MTREX: variants seen among roughly 807,000 people sequenced by gnomAD.
MTREX encodes exosome RNA helicase MTR4.
MTREX carries 76 observed loss-of-function variants against 135.4 expected under a neutral mutation model. The observed-to-expected ratio is 0.56, with a 90% CI of 0.47 to 0.68. The LOEUF (loss-of-function observed/expected upper bound fraction) is 0.68, where lower values mean the gene tolerates loss of function less well. Among genes scored for constraint, MTREX ranks in the 30% least tolerant of loss-of-function variants. The pLI is 0.00. For synonymous variants in MTREX, 404 were observed against 401.6 expected, an observed-to-expected ratio of 1.01 and a Z score of -0.07; for missense variants, 920 against 1,262.1, an observed-to-expected ratio of 0.73 and a Z score of 4.11.
chr5:55,332,329 T>G (rs148657413), intron 5 of MTREX, among the ~76,000 whole-genome samples: 46 of 152,282 alleles, frequency 3.0e-4, no homozygotes, highest in Non-Finnish European at 5.9e-4. Context: ...TCTATGACCT[T>G]TCCAGTTGAG....
chr5:55,415,954 T>C lies in MTREX; in HGVS notation c.2809-16T>C, dbSNP rs1476941025. ...GAGATCATAAGTAAGGAATTTTAAC[T>C]CTTTTATCTTTAAAGGAATGTGCTA... On this transcript the variant is annotated splice_polypyrimidine_tract_variant and intron_variant, in intron 24 of 26. Transcript: ENST00000230640. 1 of 1,557,820 alleles carries C rather than the reference T, an allele frequency of 6.4e-7. No individual in the cohort carries two copies. The highest frequency in any genetic ancestry group is 2.1e-5 in the Admixed American group (1 of 47,426).
At chr5:55,369,132 TAA>T (rs1325229022) in intron 16 of MTREX, among the ~76,000 whole-genome samples, 1 of 151,692 alleles carries the variant, frequency 6.6e-6, no homozygotes, top group African/African-American at 2.4e-5. Flanking sequence ...TTTATTTTAT[TAA>T]AAATAAAAAT....
At position 55,378,423 on chromosome 5, in the gene MTREX, T is replaced by A; in HGVS notation, c.1920T>A (p.Ile640=). The A allele has an allele frequency of 3.1e-6, 5 of 1,612,518 alleles. No individual in the cohort carries two copies. Among genetic ancestry groups the A allele is most frequent in the Non-Finnish European group, 4.2e-6 (5 of 1,179,506 alleles). ...AGCTTGCCAAATTGGGTAAAGAAAT[T>A]GAAGAATATATTCACAAACCAAAAT... is the stretch of plus-strand genomic sequence containing the variant. The part of the protein sequence containing the change: ...RQQLAKLGKE[I]EEYIHKPKYC... Residue 640 remains isoleucine (I), a synonymous_variant, in exon 17 of 27, where the codon ATT becomes ATA. Coordinates refer to ENST00000230640, the MANE Select transcript of MTREX (RefSeq NM_015360.5).
intron 25 of MTREX, among the ~76,000 whole-genome samples, chr5:55,420,763 T>C (rs1002260215): frequency 1.3e-5 from 2 of 152,116 alleles, no homozygotes; most frequent in Admixed American, 6.5e-5. Flanking sequence ...GTGGTAAAAA[T>C]GCTCTAAAAT....
chr5:55,379,323 G>T, intron 18 of MTREX, 128 bp downstream of exon 18: 1 of 573,280 alleles, frequency 1.7e-6, no homozygotes, highest in Non-Finnish European at 3.0e-6. Flanking sequence ...CTGCCATGAG[G>T]AATTAATTTT....
intron 14 of MTREX, among the ~76,000 whole-genome samples, chr5:55,353,803 TGAAG>T (rs1749867243): frequency 1.3e-5 from 2 of 152,196 alleles, no homozygotes; most frequent in Non-Finnish European, 2.9e-5. Flanking sequence ...TTCCTTTAAG[TGAAG>T]GAGTTTGATG....
At chr5:55,329,890 C>A (rs1330695181) in intron 5 of MTREX, among the ~76,000 whole-genome samples, 3 of 151,254 alleles carry the variant, frequency 2.0e-5, no homozygotes, top group Non-Finnish European at 4.4e-5. Flanking sequence ...TTTTTGCAGT[C>A]CTCAGGGCTC....
intron 3 of MTREX, among the ~76,000 whole-genome samples, chr5:55,325,339 G>GTTT (rs531584340): frequency 1.5e-4 from 19 of 125,948 alleles, no homozygotes; most frequent in Non-Finnish European, 2.0e-4. Flanking sequence ...GTTTTTTTTT[G>GTTT]TTTTTTTTTT....
intron 19 of MTREX, among the ~76,000 whole-genome samples, chr5:55,390,463 TA>T (rs1750549627): frequency 6.6e-6 from 1 of 152,174 alleles, no homozygotes; most frequent in Admixed American, 6.5e-5. Flanking sequence ...CTTACTTTTC[TA>T]AAAAAGGCTT....
intron 5 of MTREX, among the ~76,000 whole-genome samples, chr5:55,334,967 A>C (rs1749531911): frequency 6.6e-6 from 1 of 152,044 alleles, no homozygotes; most frequent in Non-Finnish European, 1.5e-5. Flanking sequence ...TCCTACCAGT[A>C]ATGTATGAGG....
intron 11 of MTREX, among the ~76,000 whole-genome samples, chr5:55,349,301 C>G (rs2112067859): frequency 6.6e-6 from 1 of 151,420 alleles, no homozygotes; most frequent in East Asian, 2.0e-4. Context: ...GTCCTCCTGT[C>G]TCAGCCTCCC....
chr5:55,409,634 G>C (rs1357767398), intron 22 of MTREX, among the ~76,000 whole-genome samples: 1 of 152,192 alleles, frequency 6.6e-6, no homozygotes, highest in Non-Finnish European at 1.5e-5. Flanking sequence ...TTAAAAAACT[G>C]TATTTTGATG....
chr5:55,358,251 A>G (rs1749952565), intron 14 of MTREX, among the ~76,000 whole-genome samples: 1 of 152,238 alleles, frequency 6.6e-6, no homozygotes, highest in Non-Finnish European at 1.5e-5. Flanking sequence ...TAATTGGCTT[A>G]TGTGGAAAGC....
chr5:55,316,665 A>G (rs1203510766), intron 1 of MTREX, among the ~76,000 whole-genome samples: 1 of 152,200 alleles, frequency 6.6e-6, no homozygotes, highest in Non-Finnish European at 1.5e-5. Flanking sequence ...TGACAAACCC[A>G]CAACCAACAT....
chr5:55,331,994 T>C (rs1749484329), intron 5 of MTREX, among the ~76,000 whole-genome samples: 1 of 152,228 alleles, frequency 6.6e-6, no homozygotes, highest in African/African-American at 2.4e-5. Flanking sequence ...ATGTACATTA[T>C]GTATTACTAC....
intron 9 of MTREX, 47 bp downstream of exon 9, chr5:55,344,667 T>C (rs1321687391): frequency 9.4e-7 from 1 of 1,064,962 alleles, no homozygotes; most frequent in Non-Finnish European, 1.4e-6. Flanking sequence ...CATACTTTAT[T>C]ATTAATATCT....
intron 24 of MTREX, among the ~76,000 whole-genome samples, chr5:55,414,870 G>C (rs1212247624): frequency 2.6e-5 from 4 of 152,002 alleles, no homozygotes; most frequent in African/African-American, 9.7e-5. Flanking sequence ...GGCTGGTCTC[G>C]AACTCCTGAG....
chr5:55,345,910 T>G (rs769921894), intron 10 of MTREX, among the ~76,000 whole-genome samples: 4 of 152,140 alleles, frequency 2.6e-5, no homozygotes, highest in African/African-American at 4.8e-5. Flanking sequence ...TGAAGTGATA[T>G]GCCCATCGTG....
chr5:55,360,676 A>G (rs1427624458), intron 15 of MTREX, among the ~76,000 whole-genome samples: 1 of 152,142 alleles, frequency 6.6e-6, no homozygotes, highest in African/African-American at 2.4e-5. Context: ...TTCACTTTGA[A>G]TATTATACAG....
Sources: allele counts gnomAD v4.1 joint callset (sites outside exome capture counted in the v4.1 genomes callset), GRCh38; gene constraint gnomAD v4.1.1; transcripts MANE v1.5; gene names NCBI Gene and HGNC (gene_info 2026-07-23, HGNC 2026-07-21).